The following ARHGAP6 variants were observed in gnomAD, a reference collection of about 807,000 sequenced individuals.
ARHGAP6 encodes the protein rho GTPase-activating protein 6.
In ARHGAP6, 16 loss-of-function variants were observed where a neutral mutation model predicts 55.7. That is an observed-to-expected ratio of 0.29 (90% confidence interval 0.19 to 0.44). The LOEUF (loss-of-function observed/expected upper bound fraction) is 0.44, where lower values mean the gene tolerates loss of function less well. Ranked by LOEUF, ARHGAP6 falls within the 20% of genes least tolerant of loss-of-function variation. The pLI, the probability that ARHGAP6 is intolerant of heterozygous loss-of-function variation, is 1.00. For missense variants in ARHGAP6, 698 were observed against 808.9 expected (o/e 0.86, Z 1.66); for synonymous variants, 382 against 360.9 (o/e 1.06, Z -0.66).
At chrX:11,505,729 TGA>T (rs1453078210) in intron 1 of ARHGAP6, among the ~76,000 whole-genome samples, 1 of 111,409 alleles carries the variant, frequency 9.0e-6, no homozygotes, top group African/African-American at 3.3e-5. Flanking sequence ...ACAAAAAGAA[TGA>T]GGTCATGTCC....
intron 1 of ARHGAP6, among the ~76,000 whole-genome samples, chrX:11,504,181 C>T (rs1182375081): frequency 9.0e-6 from 1 of 111,568 alleles, no homozygotes; most frequent in Non-Finnish European, 1.9e-5. Context: ...TGCTTCTGCT[C>T]CTTCTATTCT....
At chrX:11,606,348 C>G (rs761403909) in intron 1 of ARHGAP6, among the ~76,000 whole-genome samples, 8 of 111,476 alleles carry the variant, frequency 7.2e-5, no homozygotes, top group African/African-American at 2.3e-4. Flanking sequence ...AGGGTTGTCT[C>G]GCATTTTTAT....
intron 1 of ARHGAP6, among the ~76,000 whole-genome samples, chrX:11,475,902 A>C (rs771970648): frequency 8.1e-5 from 9 of 110,735 alleles, no homozygotes. Flanking sequence ...TAAACAAAAC[A>C]ATAGGAATGG....
intron 1 of ARHGAP6, among the ~76,000 whole-genome samples, chrX:11,524,764 C>A (rs2050971786): frequency 9.0e-6 from 1 of 110,880 alleles, no homozygotes; most frequent in African/African-American, 3.3e-5. Flanking sequence ...TAATGTGCAC[C>A]TTATTTCTAT....
chrX:11,281,847 A>G (rs1442483383), intron 1 of ARHGAP6, among the ~76,000 whole-genome samples: 1 of 111,958 alleles, frequency 8.9e-6, no homozygotes. Flanking sequence ...TAGAAAATTA[A>G]GATGAACAAA....
chrX:11,352,701 ATC>A (rs2048878176), intron 1 of ARHGAP6, among the ~76,000 whole-genome samples: 1 of 111,780 alleles, frequency 8.9e-6, no homozygotes, highest in Admixed American at 9.5e-5. Flanking sequence ...TTGGTGTTGT[ATC>A]TCTCTTACTT....
Position 11,139,181 on chromosome X carries a change from T to C in ARHGAP6, c.2607A>G (p.Arg869=). 8.3e-7 allele frequency: 1 copy of C among 1,204,758 alleles called. No individual in the cohort carries two copies. The highest frequency in any genetic ancestry group is 1.1e-6 in the Non-Finnish European group (1 of 893,304). Residue 869 remains arginine, a synonymous_variant, in exon 13 of 13, where the codon AGA becomes AGG. Transcript: ENST00000337414. ...LQSRATPQCQ[R]PHGSGRDDKR... The stretch of plus-strand genomic sequence containing the variant: ...TGTCATCCCTCCCACTCCCATGGGG[T>C]CTTTGGCACTGAGGTGTGGCCCGGC...
At chrX:11,624,907 A>C (rs2052276957) in intron 1 of ARHGAP6, among the ~76,000 whole-genome samples, 1 of 111,939 alleles carries the variant, frequency 8.9e-6, no homozygotes, top group Non-Finnish European at 1.9e-5. Context: ...ATATGAAAAA[A>C]TACTCAACAT....
At chrX:11,528,611 G>T (rs193195178) in intron 1 of ARHGAP6, among the ~76,000 whole-genome samples, 1 of 112,012 alleles carries the variant, frequency 8.9e-6, no homozygotes, top group African/African-American at 3.2e-5. Context: ...GCTTTGAAAA[G>T]ACCACAATGG....
At chrX:11,520,623 C>T (rs886840370) in intron 1 of ARHGAP6, among the ~76,000 whole-genome samples, 1 of 111,116 alleles carries the variant, frequency 9.0e-6, no homozygotes, top group African/African-American at 3.3e-5. Context: ...AATAAACATA[C>T]GTATGCATGT....
At chrX:11,642,464 A>G (rs2052484780) in intron 1 of ARHGAP6, among the ~76,000 whole-genome samples, 1 of 112,144 alleles carries the variant, frequency 8.9e-6, no homozygotes. Context: ...GAAAACATGT[A>G]TCTACACAAA....
chrX:11,604,663 T>C (rs760563700), intron 1 of ARHGAP6, among the ~76,000 whole-genome samples: 24 of 112,401 alleles, frequency 2.1e-4, no homozygotes, highest in African/African-American at 7.1e-4. Flanking sequence ...AGAAAAAGAC[T>C]AAACCAGGTA....
intron 6 of ARHGAP6, among the ~76,000 whole-genome samples, chrX:11,180,772 C>T (rs1301196810): frequency 8.9e-6 from 1 of 112,336 alleles, no homozygotes; most frequent in Non-Finnish European, 1.9e-5. Flanking sequence ...CTGTCCTGAA[C>T]TACTCATTGA....
chrX:11,153,550 G>C (rs1396536708), intron 10 of ARHGAP6, among the ~76,000 whole-genome samples: 1 of 81,092 alleles, frequency 1.2e-5, no homozygotes, highest in Admixed American at 1.3e-4. Flanking sequence ...AAAAAAAAAA[G>C]GCAACTACAG....
intron 1 of ARHGAP6, among the ~76,000 whole-genome samples, chrX:11,477,248 T>C (rs1224295559): frequency 1.8e-5 from 2 of 110,838 alleles, no homozygotes; most frequent in Non-Finnish European, 3.8e-5. Context: ...GCACATAAGA[T>C]ATGATATTTA....
intron 1 of ARHGAP6, among the ~76,000 whole-genome samples, chrX:11,572,624 T>C (rs1373576467): frequency 9.0e-6 from 1 of 111,604 alleles, no homozygotes; most frequent in African/African-American, 3.3e-5. Flanking sequence ...GACTTTGCTA[T>C]TGTGAACAGT....
chrX:11,547,886 A>G (rs1056515712), intron 1 of ARHGAP6, among the ~76,000 whole-genome samples: 2 of 111,848 alleles, frequency 1.8e-5, no homozygotes, highest in Non-Finnish European at 3.8e-5. Context: ...AGTGAAGGGA[A>G]TGGAGTAATA....
intron 1 of ARHGAP6, among the ~76,000 whole-genome samples, chrX:11,416,161 G>C (rs1281942854): frequency 2.7e-5 from 3 of 111,489 alleles, no homozygotes; most frequent in African/African-American, 9.8e-5. Context: ...AAATATCATG[G>C]AAGGCCTCAT....
chrX:11,414,767 A>G (rs1218650908), intron 1 of ARHGAP6, among the ~76,000 whole-genome samples: 1 of 112,017 alleles, frequency 8.9e-6, no homozygotes, highest in African/African-American at 3.2e-5. Flanking sequence ...AAGGATTAAT[A>G]TATTTTTCTT....
Sources: allele counts gnomAD v4.1 joint callset (sites outside exome capture counted in the v4.1 genomes callset), GRCh38; gene constraint gnomAD v4.1.1; transcripts MANE v1.5; gene names NCBI Gene and HGNC (gene_info 2026-07-23, HGNC 2026-07-21).